The following TMEM233 variants were observed in gnomAD, a reference collection of about 807,000 sequenced individuals.
The protein encoded by TMEM233 is transmembrane protein 233.
TMEM233 carries 6 observed loss-of-function variants against 11.2 expected under a neutral mutation model. The ratio of observed to expected loss-of-function variants is 0.54; its 90% CI spans 0.29 to 1.06. The LOEUF is 1.06. Among genes scored for constraint, TMEM233 ranks in the 50% least tolerant of loss-of-function variants. The pLI is 0.08. For synonymous variants in TMEM233, 59 were observed against 55.8 expected (o/e 1.06, Z -0.26); for missense variants, 127 against 144.7 (o/e 0.88, Z 0.63).
At position 119,594,948 on chromosome 12, in the gene TMEM233, G is replaced by T. The variant is rs1954006061; in HGVS notation, c.186+914G>T. Among the ~76,000 whole-genome samples, 5 of 152,110 alleles carry T rather than the reference G, an allele frequency of 3.3e-5. No homozygotes were observed. Among genetic ancestry groups the T allele is most frequent in the Admixed American group, 3.3e-4 (5 of 15,280 alleles). On this transcript the variant is annotated intron_variant, in intron 1 of 2. Coordinates refer to ENST00000426426, the MANE Select transcript of TMEM233 (RefSeq NM_001136534.3). This position sits in a 1 kb window ranked among gnomAD's most constrained non-coding sequence, Gnocchi z 5.6. Reference sequence around the variant, plus strand: ...CCTCCACCGCTCTGTCCTGCGCCCGGGGCTCTCCCGGGAATGAACTAGGGG... The same window carrying T: ...CCTCCACCGCTCTGTCCTGCGCCCGTGGCTCTCCCGGGAATGAACTAGGGG...
chr12:119,605,001 T>C, intron 1 of TMEM233, among the ~76,000 whole-genome samples: 1 of 151,016 alleles, frequency 6.6e-6, no homozygotes, highest in Non-Finnish European at 1.5e-5. Context: ...TCACTATCTT[T>C]TTTTTTTTTT....
chr12:119,600,850 C>A (rs1954148980), intron 1 of TMEM233, among the ~76,000 whole-genome samples: 1 of 152,006 alleles, frequency 6.6e-6, no homozygotes, highest in Non-Finnish European at 1.5e-5. Flanking sequence ...TAGAAAAGTT[C>A]TGGGAATGGA....
In TMEM233 at chr12:119,626,516, A is replaced by AGAAG. The variant is rs1387521618; in HGVS notation, c.187-3219_187-3218insAAGG. 3.2e-3 allele frequency among the ~76,000 whole-genome samples: 266 copies of AGAAG among 83,798 alleles called. 2 individuals are homozygous for AGAAG. The highest frequency in any genetic ancestry group is 0.013 in the African/African-American group (242 of 18,574). The allele number at this position is 83,798 out of a possible 152,430, so 55.0% of individuals were successfully genotyped here. On this transcript the variant is annotated intron_variant, in intron 1 of 2. Transcript: ENST00000426426. Reference sequence around the variant, plus strand: ...AAAAAGGAGGAGGAGGAGGAGGAGGAGGAGAAGGGAGAAGGGAGAAGGGAG... The same window carrying AGAAG: ...AAAAAGGAGGAGGAGGAGGAGGAGGAGAAGGGAGAAGGGAGAAGGGAGAAGGGAG...
At position 119,594,167 on chromosome 12, in the gene TMEM233, G is replaced by A. The variant is rs1953980009; in HGVS notation, c.186+133G>A. On this transcript the variant is annotated intron_variant, in intron 1 of 2. Transcript: ENST00000426426. This position sits in a 1 kb window ranked among gnomAD's most constrained non-coding sequence, Gnocchi z 5.6. ...CCCGCGCTAGGTGTTCTTTGTCCTC[G>A]CACCTCCTCCTCACCTTTCTCGGGC... is the stretch of plus-strand genomic sequence containing the variant. 4.7e-6 allele frequency: 4 copies of A among 854,806 alleles called. No individual in the cohort carries two copies. The highest frequency in any genetic ancestry group is 1.7e-5 in the African/African-American group (1 of 58,780). 53.0% of individuals were successfully genotyped at this position (854,806 alleles called of 1,614,324 possible).
chr12:119,598,524 G>A (rs1593273722), intron 1 of TMEM233, among the ~76,000 whole-genome samples: 1 of 152,236 alleles, frequency 6.6e-6, no homozygotes, highest in East Asian at 1.9e-4. Flanking sequence ...ACAATTCATG[G>A]CATGGCAGGA....
chr12:119,636,990 G>A (rs1954978620), intron 2 of TMEM233, among the ~76,000 whole-genome samples: 1 of 152,200 alleles, frequency 6.6e-6, no homozygotes, highest in African/African-American at 2.4e-5. Context: ...GCCCACTGAA[G>A]TATGTGGCTG....
At chr12:119,631,959 G>T (rs1366274533) in intron 2 of TMEM233, among the ~76,000 whole-genome samples, 2 of 152,142 alleles carry the variant, frequency 1.3e-5, no homozygotes, top group Non-Finnish European at 2.9e-5. Flanking sequence ...ACTGGGAAAG[G>T]ACCTCAGAAT....
At chr12:119,613,971 A>T (rs1954467092) in intron 1 of TMEM233, among the ~76,000 whole-genome samples, 2 of 151,862 alleles carry the variant, frequency 1.3e-5, no homozygotes, top group Admixed American at 6.6e-5. Context: ...GGAAACGGGG[A>T]GACAGTGAGC....
At position 119,629,886 on chromosome 12, in the gene TMEM233, T is replaced by C. The variant is rs1303195599; in HGVS notation, c.323+14T>C. 16 of 1,548,360 alleles carry C rather than the reference T, an allele frequency of 1.0e-5. No homozygotes were observed. Among genetic ancestry groups the C allele is most frequent in the Admixed American group, 6.0e-5 (3 of 50,392 alleles). On this transcript the variant is annotated intron_variant, in intron 2 of 2. Transcript: ENST00000426426. The stretch of plus-strand genomic sequence containing the variant: ...CTTCACAAGGAAGTAAGTAGGCTTT[T>C]TGAATCCCTCCCCATGTCAAACGCC...
chr12:119,644,780 C>A (rs565699856), downstream of TMEM233, among the ~76,000 whole-genome samples: 1 of 152,122 alleles, frequency 6.6e-6, no homozygotes, highest in Non-Finnish European at 1.5e-5. Context: ...CACCCAGCCT[C>A]CTCATAGCTT....
At chr12:119,632,246 C>T (rs566609572) in intron 2 of TMEM233, among the ~76,000 whole-genome samples, 1 of 152,206 alleles carries the variant, frequency 6.6e-6, no homozygotes, top group South Asian at 2.1e-4. Flanking sequence ...TATTATTATC[C>T]CTATTTTGTA....
chr12:119,639,983 A>G (rs868150156), intron 2 of TMEM233, among the ~76,000 whole-genome samples: 4 of 152,328 alleles, frequency 2.6e-5, no homozygotes, highest in Middle Eastern at 3.4e-3. Flanking sequence ...CATACACATG[A>G]TGAGTATATA....
chr12:119,625,655 G>A (rs1027977802), intron 1 of TMEM233, among the ~76,000 whole-genome samples: 15 of 152,108 alleles, frequency 9.9e-5, no homozygotes, highest in Non-Finnish European at 1.8e-4. Flanking sequence ...AAAAATTGCA[G>A]GCCTCAAATA....
At chr12:119,599,431 T>C (rs1954114601) in intron 1 of TMEM233, among the ~76,000 whole-genome samples, 1 of 119,806 alleles carries the variant, frequency 8.3e-6, no homozygotes, top group Non-Finnish European at 1.9e-5. Context: ...GTGCCCAGAA[T>C]TTTAAAAAAA....
chr12:119,650,184 A>G, the TMEM233 span, among the ~76,000 whole-genome samples: 1 of 151,370 alleles, frequency 6.6e-6, no homozygotes, highest in Non-Finnish European at 1.5e-5. Flanking sequence ...GTGGGTAACT[A>G]TAATAACAAA....
Position 119,629,870 on chromosome 12 carries a change from G to A in TMEM233, c.321G>A (p.Arg107=). The A allele has an allele frequency of 6.5e-7, 1 of 1,549,812 alleles. No individual in the cohort carries two copies. The highest frequency in any genetic ancestry group is 8.7e-7 in the Non-Finnish European group (1 of 1,146,318). The change falls in exon 2 of 3, where the codon AGG becomes AGA. Residue 107 remains arginine (R), a splice_region_variant and synonymous_variant. Transcript: ENST00000426426. ...IGISCAVHFT[R]NA is the part of the protein sequence containing the mutation. ...TTTCTTGTGCAGTTCACTTCACAAG[G>A]AAGTAAGTAGGCTTTTTGAATCCCT... is the stretch of plus-strand genomic sequence containing the variant.
the TMEM233 span, among the ~76,000 whole-genome samples, chr12:119,649,463 G>A: frequency 6.6e-6 from 1 of 152,100 alleles, no homozygotes. Flanking sequence ...GACAAATATC[G>A]TATTTCTTTG....
At chr12:119,616,000 C>T (rs960018895) in intron 1 of TMEM233, among the ~76,000 whole-genome samples, 4 of 152,144 alleles carry the variant, frequency 2.6e-5, no homozygotes, top group African/African-American at 9.7e-5. Flanking sequence ...CAGCTTTCCC[C>T]CCGTGGGTAT....
At chr12:119,596,087 C>T (rs924230100) in intron 1 of TMEM233, among the ~76,000 whole-genome samples, 1 of 152,214 alleles carries the variant, frequency 6.6e-6, no homozygotes, top group African/African-American at 2.4e-5. Flanking sequence ...TCCTTCCGAC[C>T]AACCAGCCAA....
Sources: gnomAD v4.1 joint callset for allele counts (sites outside exome capture counted in the v4.1 genomes callset) on GRCh38, gnomAD v4.1.1 for gene constraint, Gnocchi (gnomAD v3.1) non-coding constraint, MANE v1.5 for transcripts, NCBI Gene and HGNC (gene_info 2026-07-23, HGNC 2026-07-21) for gene names.